The following UPF2 variants were observed in gnomAD, a reference collection of about 807,000 sequenced individuals.
UPF2 encodes the protein regulator of nonsense transcripts 2.
Under a neutral mutation model 141.4 loss-of-function variants are expected in UPF2, and 17 were observed. The observed-to-expected ratio is 0.12, with a 90% CI of 0.08 to 0.18. The LOEUF (loss-of-function observed/expected upper bound fraction) is 0.18, where lower values mean the gene tolerates loss of function less well. UPF2 is among the 10% of genes least tolerant of loss of function. UPF2 has a pLI of 1.00. For missense variants in UPF2, 1,152 were observed against 1,515.9 expected, an observed-to-expected ratio of 0.76 and a Z score of 3.99; for synonymous variants, 540 against 498.0, an observed-to-expected ratio of 1.08 and a Z score of -1.12.
chr10:12,007,392 A>G (rs1400055989), intron 4 of UPF2, among the ~76,000 whole-genome samples: 1 of 152,222 alleles, frequency 6.6e-6, no homozygotes, highest in Non-Finnish European at 1.5e-5. Flanking sequence ...TTGTGTATCT[A>G]AAAAATAATG....
intron 8 of UPF2, among the ~76,000 whole-genome samples, chr10:11,996,530 G>A (rs906702707): frequency 6.6e-6 from 1 of 152,088 alleles, no homozygotes; most frequent in South Asian, 2.1e-4. Flanking sequence ...TTTTAGTAGA[G>A]ATGGGGTTTC....
At position 11,992,894 on chromosome 10, in the gene UPF2, A is replaced by G. The variant is rs1833802807; in HGVS notation, c.1844+4778T>C. Among the ~76,000 whole-genome samples, 1 of 152,220 alleles carries G rather than the reference A, an allele frequency of 6.6e-6. No homozygotes were observed. The highest frequency in any genetic ancestry group is 2.4e-5 in the African/African-American group (1 of 41,462). On this transcript the variant is annotated intron_variant, in intron 8 of 21. Coordinates refer to ENST00000357604, the MANE Select transcript of UPF2 (RefSeq NM_015542.4). This position sits in a 1 kb window ranked among gnomAD's most constrained non-coding sequence, Gnocchi z 4.1. ...CAGGCGCAGGTGGCTCACACTTGTA[A>G]TCCCAGCACTTTGGGAGGCCAAGGC...
intron 2 of UPF2, among the ~76,000 whole-genome samples, chr10:12,031,263 T>C (rs1227256335): frequency 6.6e-6 from 1 of 151,966 alleles, no homozygotes; most frequent in Admixed American, 6.6e-5. Flanking sequence ...ACAAAGTACC[T>C]TGCTATGTTT....
rs1043866807 is a variant in UPF2, at chr10:11,980,726, T to G, written c.1845-1561A>C. 6.6e-6 allele frequency among the ~76,000 whole-genome samples: 1 copy of G among 151,742 alleles called. No homozygotes were observed. The highest frequency in any genetic ancestry group is 1.5e-5 in the Non-Finnish European group (1 of 67,952). On this transcript the variant is annotated intron_variant, in intron 8 of 21. Transcript: ENST00000357604. This position sits in a 1 kb window ranked among gnomAD's most constrained non-coding sequence, Gnocchi z 4.2. ...CCAGCCTGGGCAACAAGAGCGAAAC[T>G]CCATCTCAAAAAAAGATTATTGCTG...
At chr10:12,002,250 A>C (rs1833965679) in intron 5 of UPF2, among the ~76,000 whole-genome samples, 2 of 152,222 alleles carry the variant, frequency 1.3e-5, no homozygotes, top group African/African-American at 4.8e-5. Context: ...GAGCCTGAGC[A>C]AAAAGGGCGA....
At chr10:11,947,357 G>T (rs1336636820) in intron 16 of UPF2, among the ~76,000 whole-genome samples, 1 of 152,068 alleles carries the variant, frequency 6.6e-6, no homozygotes, top group Non-Finnish European at 1.5e-5. Context: ...CGTATATGTT[G>T]AATTTCAGAT....
At chr10:11,975,421 T>C (rs1833490416) in intron 9 of UPF2, among the ~76,000 whole-genome samples, 1 of 152,256 alleles carries the variant, frequency 6.6e-6, no homozygotes, top group Admixed American at 6.5e-5. Flanking sequence ...TTCTCTTTTC[T>C]ACTTTCTAAG....
At chr10:11,982,676 G>C (rs1227685704) in intron 8 of UPF2, among the ~76,000 whole-genome samples, 1 of 152,032 alleles carries the variant, frequency 6.6e-6, no homozygotes, top group Non-Finnish European at 1.5e-5. Flanking sequence ...GCCCAGGCTG[G>C]AGTGCAATGG....
intron 9 of UPF2, among the ~76,000 whole-genome samples, chr10:11,974,177 CTGTT>C (rs376552643): frequency 0.029 from 4,391 of 152,072 alleles, 196 homozygotes; most frequent in African/African-American, 0.096. Flanking sequence ...ATTTGCCTCT[CTGTT>C]TGTTATTGGT....
Position 11,998,717 on chromosome 10 carries a change from G to T in UPF2, c.1759-960C>A, listed in dbSNP as rs533765187. 1.6e-4 allele frequency among the ~76,000 whole-genome samples: 25 copies of T among 152,230 alleles called. No homozygotes were observed. The highest frequency in any genetic ancestry group is 6.8e-3 in the Middle Eastern group (2 of 294). ...AAAATATAAAAAATTAGCCGGGCAT[G>T]GTGGCGGGCACCTGTAGTCCCAGCT... On this transcript the variant is annotated intron_variant, in intron 7 of 21. Transcript: ENST00000357604. This position sits in a 1 kb window ranked among gnomAD's most constrained non-coding sequence, Gnocchi z 4.5.
chr10:11,956,846 A>AGTCTCACTCTGTCACCCAGGCT lies in UPF2; in HGVS notation c.2371-345_2371-324dup, dbSNP rs1316949532. ...AGGTTTCTTTTTCCCCCCCAGACACAGTCTCACTCTGTCACCCAGGCTGGA... is the reference window on the plus strand; with the variant it reads ...AGGTTTCTTTTTCCCCCCCAGACACAGTCTCACTCTGTCACCCAGGCTGTCTCACTCTGTCACCCAGGCTGGA... On this transcript the variant is annotated intron_variant, in intron 12 of 21. Coordinates refer to ENST00000357604, the MANE Select transcript of UPF2 (RefSeq NM_015542.4). This position sits in a 1 kb window ranked among gnomAD's most constrained non-coding sequence, Gnocchi z 4.2. Among the ~76,000 whole-genome samples the AGTCTCACTCTGTCACCCAGGCT allele has an allele frequency of 2.0e-5, 3 of 152,046 alleles. No individual in the cohort carries two copies. The highest frequency in any genetic ancestry group is 1.3e-4 in the Admixed American group (2 of 15,264).
Position 12,028,963 on chromosome 10 carries a change from A to T in UPF2, c.927T>A (p.Ile309=). Residue 309 remains isoleucine, a synonymous_variant, in exon 3 of 22, where the codon ATT becomes ATA. Transcript: ENST00000357604. ...CATCTCCACAATGTCGACAGAAACTAATCACTACAGAGACATGAGTGTGGG... is the reference window on the plus strand; with the variant it reads ...CATCTCCACAATGTCGACAGAAACTTATCACTACAGAGACATGAGTGTGGG... ...RESHTHVSVV[I]SFCRHCGDDI... 6.2e-7 allele frequency: 1 copy of T among 1,614,220 alleles called. No homozygotes were observed. The highest frequency in any genetic ancestry group is 8.5e-7 in the Non-Finnish European group (1 of 1,180,046).
At chr10:11,993,096 G>A (rs1309814368) in intron 8 of UPF2, among the ~76,000 whole-genome samples, 1 of 140,728 alleles carries the variant, frequency 7.1e-6, no homozygotes, top group African/African-American at 2.7e-5. Context: ...GTTGCAGTGA[G>A]CAGAGATCAC....
chr10:12,006,029 G>T (rs555060771), intron 4 of UPF2, among the ~76,000 whole-genome samples: 1 of 151,422 alleles, frequency 6.6e-6, no homozygotes, highest in Non-Finnish European at 1.5e-5. Flanking sequence ...ACAGGCATGC[G>T]TCATCAAGCC....
At chr10:11,958,147 G>T (rs1425824477) in intron 12 of UPF2, among the ~76,000 whole-genome samples, 3 of 152,094 alleles carry the variant, frequency 2.0e-5, no homozygotes, top group African/African-American at 7.2e-5. Flanking sequence ...GAGCCCAGGA[G>T]TTCGAGACCA....
intron 8 of UPF2, among the ~76,000 whole-genome samples, chr10:11,995,288 T>C (rs1474010786): frequency 6.6e-6 from 1 of 152,058 alleles, no homozygotes; most frequent in Non-Finnish European, 1.5e-5. Context: ...CCATTACAGA[T>C]CAAGATTCTG....
chr10:12,027,780 T>C (rs1178346297), intron 3 of UPF2, among the ~76,000 whole-genome samples: 1 of 152,170 alleles, frequency 6.6e-6, no homozygotes, highest in East Asian at 1.9e-4. Flanking sequence ...TTCAATCTTC[T>C]GGTCAATCAT....
At chr10:12,036,180 C>G (rs1049704010) in intron 1 of UPF2, among the ~76,000 whole-genome samples, 3 of 152,160 alleles carry the variant, frequency 2.0e-5, no homozygotes, top group Non-Finnish European at 2.9e-5. Flanking sequence ...GCACCATTGA[C>G]AGTTTGGGCA....
intron 18 of UPF2, among the ~76,000 whole-genome samples, chr10:11,937,022 A>G (rs565844398): frequency 2.0e-5 from 3 of 152,290 alleles, no homozygotes; most frequent in Admixed American, 2.0e-4. Context: ...TGCTCCTCAA[A>G]TACACTACAC....
Sources: allele counts gnomAD v4.1 joint callset (sites outside exome capture counted in the v4.1 genomes callset), GRCh38; gene constraint gnomAD v4.1.1; non-coding constraint Gnocchi (gnomAD v3.1); transcripts MANE v1.5; gene names NCBI Gene and HGNC (gene_info 2026-07-23, HGNC 2026-07-21).